CDH7: variants seen among roughly 807,000 people sequenced by gnomAD.
The protein encoded by CDH7 is cadherin 7, also known as cadherin-7.
Under a neutral mutation model 71.8 loss-of-function variants are expected in CDH7, and 25 were observed. That is an observed-to-expected ratio of 0.35 (90% CI 0.25 to 0.49). The LOEUF (loss-of-function observed/expected upper bound fraction) is 0.49. Among genes scored for constraint, CDH7 ranks in the 20% least tolerant of loss-of-function variants. The probability of loss-of-function intolerance (pLI) is 0.99; values close to 1 mark genes in which losing one functional copy is unlikely to be tolerated. For missense variants in CDH7, 862 were observed against 974.6 expected (o/e 0.88, Z 1.54); for synonymous variants, 381 against 363.8 (o/e 1.05, Z -0.54).
Position 65,762,875 on chromosome 18 carries a change from T to G in CDH7, c.33T>G (p.Phe11Leu). The change falls in exon 2 of 12, where the codon TTT (phenylalanine) becomes TTG (leucine). Residue 11 changes from phenylalanine (F) to leucine (L), a missense_variant. By Grantham distance (22) the Phe-to-Leu change is conservative. Coordinates refer to ENST00000397968, the MANE Select transcript of CDH7 (RefSeq NM_004361.5). MKLGKVEFCH[F>L]LQLIALFLCF... ...TGGGCAAAGTGGAGTTCTGCCATTT[T>G]CTGCAGCTAATAGCTCTTTTCCTGT... The G allele has an allele frequency of 6.2e-7, 1 of 1,613,182 alleles. No individual in the cohort carries two copies.
At chr18:65,827,027 G>T (rs1208639222) in intron 6 of CDH7, among the ~76,000 whole-genome samples, 1 of 151,488 alleles carries the variant, frequency 6.6e-6, no homozygotes, top group African/African-American at 2.4e-5. Flanking sequence ...CCTTACTTCT[G>T]CCCAGAAATC....
chr18:65,779,257 C>CTTT (rs34051231), intron 2 of CDH7, among the ~76,000 whole-genome samples: 16,979 of 72,716 alleles, frequency 0.23, 2,962 homozygotes, highest in African/African-American at 0.34. Context: ...AGAAAACATT[C>CTTT]TTTTTTTTTT....
intron 7 of CDH7, among the ~76,000 whole-genome samples, chr18:65,855,284 A>G (rs1169873240): frequency 6.6e-6 from 1 of 152,026 alleles, no homozygotes; most frequent in East Asian, 1.9e-4. Context: ...ACAGAAATCA[A>G]TAGAATTAAA....
intron 2 of CDH7, among the ~76,000 whole-genome samples, chr18:65,800,913 A>G (rs1249095373): frequency 6.6e-6 from 1 of 152,160 alleles, no homozygotes; most frequent in African/African-American, 2.4e-5. Context: ...TTGTGAAACT[A>G]ACTCTTAGGA....
At chr18:65,844,144 T>G in intron 7 of CDH7, 79 bp downstream of exon 7, 2 of 1,067,610 alleles carry the variant, frequency 1.9e-6, no homozygotes, top group Middle Eastern at 2.2e-4. Context: ...TACGCTCTGA[T>G]GTTCCTTTGT....
In CDH7 at chr18:65,884,007, A is replaced by T. The variant is rs1444919761; in HGVS notation, c.*3113A>T. 1 of 152,140 alleles carries T rather than the reference A, an allele frequency of 6.6e-6. No individual in the cohort carries two copies. Among genetic ancestry groups the T allele is most frequent in the Non-Finnish European group, 1.5e-5 (1 of 67,998 alleles). 9.4% of individuals were successfully genotyped at this position (152,140 alleles called of 1,614,324 possible). ...ATTTTCCACTTGTCCATACAGGAGCATCAATAGAAACTCAGGGTTTGCCAA... is the reference window on the plus strand; with the variant it reads ...ATTTTCCACTTGTCCATACAGGAGCTTCAATAGAAACTCAGGGTTTGCCAA... On this transcript the variant is annotated 3_prime_UTR_variant, in exon 12 of 12. Transcript: ENST00000397968.
At chr18:65,847,519 C>G (rs1405005832) in intron 7 of CDH7, among the ~76,000 whole-genome samples, 1 of 152,104 alleles carries the variant, frequency 6.6e-6, no homozygotes, top group African/African-American at 2.4e-5. Flanking sequence ...TTGCCCCCAG[C>G]AAGGCGAAAT....
intron 2 of CDH7, among the ~76,000 whole-genome samples, chr18:65,775,260 G>A (rs527374194): frequency 1.2e-4 from 18 of 152,290 alleles, no homozygotes; most frequent in Admixed American, 9.8e-4. Flanking sequence ...GGGTGTGGAA[G>A]ATATGACTGT....
At position 65,880,959 on chromosome 18, in the gene CDH7, A is replaced by G. The variant is rs531709062; in HGVS notation, c.*65A>G. 98 of 1,454,614 alleles carry G rather than the reference A, an allele frequency of 6.7e-5. 2 individuals carry two copies. The South Asian group carries it at 1.3e-3, about 19-fold the overall frequency. The allele number at this position is 1,454,614 out of a possible 1,614,324, so 90.1% of individuals were successfully genotyped here. The stretch of plus-strand genomic sequence containing the variant: ...ACAGCAAAAAATAAAATAAAATGAA[A>G]TAAAATAATAAACCACTACATACAG... On this transcript the variant is annotated 3_prime_UTR_variant, in exon 12 of 12. Transcript: ENST00000397968.
Position 65,859,826 on chromosome 18 carries a change from G to A in CDH7, c.1612+1G>A. On this transcript the variant is annotated splice_donor_variant, in intron 10 of 11. Coordinates refer to ENST00000397968, the MANE Select transcript of CDH7 (RefSeq NM_004361.5). LOFTEE classifies it high-confidence loss of function. Reference sequence around the variant, plus strand: ...AACTTTTCATTGAAAGATAACAAAGGTAATGTATTAATATTGTTACCGATA... The same window carrying A: ...AACTTTTCATTGAAAGATAACAAAGATAATGTATTAATATTGTTACCGATA... The A allele has an allele frequency of 1.3e-6, 2 of 1,518,478 alleles. No individual in the cohort carries two copies. The highest frequency in any genetic ancestry group is 1.8e-6 in the Non-Finnish European group (2 of 1,093,294). The allele number at this position is 1,518,478 out of a possible 1,614,324, so 94.1% of individuals were successfully genotyped here. A position where few individuals can be genotyped will look rare whatever the true frequency, so the allele number is the denominator to read the frequency against.
chr18:65,779,046 A>T (rs1204272413), intron 2 of CDH7, among the ~76,000 whole-genome samples: 2 of 149,050 alleles, frequency 1.3e-5, no homozygotes, highest in Non-Finnish European at 3.0e-5. Flanking sequence ...CTCTTCAGAC[A>T]TATGTGACAG....
At chr18:65,768,908 C>T (rs1249485924) in intron 2 of CDH7, among the ~76,000 whole-genome samples, 2 of 152,034 alleles carry the variant, frequency 1.3e-5, no homozygotes, top group Non-Finnish European at 2.9e-5. Context: ...GCTAAACCTA[C>T]CCTCTGTGTT....
chr18:65,855,583 A>C (rs940063750), intron 7 of CDH7, among the ~76,000 whole-genome samples: 1 of 152,172 alleles, frequency 6.6e-6, no homozygotes, highest in African/African-American at 2.4e-5. Context: ...TCCCATAACT[A>C]TTAAATTATA....
chr18:65,803,631 A>G (rs1051808238), intron 2 of CDH7: 5 of 152,110 alleles, frequency 3.3e-5, no homozygotes, highest in African/African-American at 1.2e-4. Context: ...TGCAATATAT[A>G]CAGTGGTATG....
chr18:65,842,394 A>G (rs12604422), intron 6 of CDH7, among the ~76,000 whole-genome samples: 2,613 of 151,894 alleles, frequency 0.017, 69 homozygotes, highest in African/African-American at 0.055. Flanking sequence ...ATATATATAT[A>G]TGTGTATATT....
intron 2 of CDH7, among the ~76,000 whole-genome samples, chr18:65,806,030 G>A (rs1911305872): frequency 6.6e-6 from 1 of 152,164 alleles, no homozygotes; most frequent in African/African-American, 2.4e-5. Context: ...CATGGTGGAG[G>A]GTGCTCTATC....
chr18:65,791,306 A>G (rs1019720931), intron 2 of CDH7, among the ~76,000 whole-genome samples: 1 of 152,222 alleles, frequency 6.6e-6, no homozygotes, highest in Non-Finnish European at 1.5e-5. Context: ...CATACAAATT[A>G]GTAGCACAGT....
intron 1 of CDH7, among the ~76,000 whole-genome samples, chr18:65,757,801 T>TTC (rs1916075052): frequency 6.6e-6 from 1 of 151,512 alleles, no homozygotes; most frequent in Non-Finnish European, 1.5e-5. Flanking sequence ...ATTTTTTTTT[T>TTC]CTGCACTTTT....
intron 2 of CDH7, among the ~76,000 whole-genome samples, chr18:65,781,866 CT>C (rs1910243660): frequency 1.3e-4 from 8 of 59,716 alleles, no homozygotes; most frequent in South Asian, 6.9e-4. Context: ...TTCTTTCTTT[CT>C]CTCTCTCTCT....
Sources: gnomAD v4.1 joint callset for allele counts (sites outside exome capture counted in the v4.1 genomes callset) on GRCh38, gnomAD v4.1.1 for gene constraint, MANE v1.5 for transcripts, NCBI Gene and HGNC (gene_info 2026-07-23, HGNC 2026-07-21) for gene names.